The following PRKD1 variants were observed in gnomAD, a reference collection of about 807,000 sequenced individuals.
The protein encoded by PRKD1 is protein kinase D1.
A neutral mutation model predicts 95.9 loss-of-function variants in PRKD1; 63 were observed. That is an observed-to-expected ratio of 0.66 (90% CI 0.54 to 0.81). PRKD1 has a LOEUF of 0.81. Among genes scored for constraint, PRKD1 ranks in the 30% least tolerant of loss-of-function variants. PRKD1 has a pLI of 0.00. For missense variants in PRKD1, 1,048 were observed against 1,165.3 expected (o/e 0.90, Z 1.47); for synonymous variants, 425 against 423.1 (o/e 1.00, Z -0.05).
At chr14:29,597,997 A>G (rs1181583240) in intron 15 of PRKD1, among the ~76,000 whole-genome samples, 1 of 152,118 alleles carries the variant, frequency 6.6e-6, no homozygotes, top group Non-Finnish European at 1.5e-5. Flanking sequence ...CTCCCTTGGC[A>G]GGGTGCAGTG....
intron 16 of PRKD1, among the ~76,000 whole-genome samples, chr14:29,585,701 A>G (rs1447514861): frequency 6.6e-6 from 1 of 152,208 alleles, no homozygotes; most frequent in Non-Finnish European, 1.5e-5. Flanking sequence ...ATAACAGATC[A>G]TAAGATCAGT....
At chr14:29,788,985 C>T (rs1473459829) in intron 1 of PRKD1, among the ~76,000 whole-genome samples, 2 of 152,118 alleles carry the variant, frequency 1.3e-5, no homozygotes, top group African/African-American at 2.4e-5. Context: ...CTCCTGGGCT[C>T]GAGCAATCCT....
At chr14:29,914,785 T>A (rs1314815667) in intron 1 of PRKD1, among the ~76,000 whole-genome samples, 1 of 151,924 alleles carries the variant, frequency 6.6e-6, no homozygotes, top group Non-Finnish European at 1.5e-5. Context: ...TTCTTTTTTT[T>A]TTTTTGAGAC....
At chr14:29,721,648 G>A (rs1473411610) in intron 2 of PRKD1, among the ~76,000 whole-genome samples, 1 of 151,796 alleles carries the variant, frequency 6.6e-6, no homozygotes, top group Non-Finnish European at 1.5e-5. Flanking sequence ...TTACAGTTCA[G>A]TACCATACAC....
intron 1 of PRKD1, among the ~76,000 whole-genome samples, chr14:29,796,198 A>G (rs1322352791): frequency 6.6e-6 from 1 of 152,176 alleles, no homozygotes; most frequent in Non-Finnish European, 1.5e-5. Context: ...ATGCATAAAA[A>G]TTATGTAAAT....
At chr14:29,857,971 A>T (rs773441702) in intron 1 of PRKD1, among the ~76,000 whole-genome samples, 1 of 152,194 alleles carries the variant, frequency 6.6e-6, no homozygotes, top group Non-Finnish European at 1.5e-5. Context: ...AATTTTTAAC[A>T]TGGGTTCAAG....
At chr14:29,804,958 A>G (rs1251762671) in intron 1 of PRKD1, among the ~76,000 whole-genome samples, 1 of 152,224 alleles carries the variant, frequency 6.6e-6, no homozygotes, top group Admixed American at 6.5e-5. Flanking sequence ...GAAATAGTCA[A>G]TATTATGTGT....
rs564325454 is a variant in PRKD1, at chr14:29,711,595, T to C, written c.403+13941A>G. ...AAAACCAAATTTAAATTTTTAAAAATTGAGATCCAATTATGAAATCTTAAA... is the reference window on the plus strand; with the variant it reads ...AAAACCAAATTTAAATTTTTAAAAACTGAGATCCAATTATGAAATCTTAAA... On this transcript the variant is annotated intron_variant, in intron 2 of 17. Transcript: ENST00000331968. Among the ~76,000 whole-genome samples, 10 of 152,252 alleles carry C rather than the reference T, an allele frequency of 6.6e-5. No individual in the cohort carries two copies. The South Asian group carries it at 1.2e-3, about 19-fold the overall frequency.
At chr14:29,616,303 A>G (rs1275705736) in intron 13 of PRKD1, among the ~76,000 whole-genome samples, 1 of 147,594 alleles carries the variant, frequency 6.8e-6, no homozygotes, top group Non-Finnish European at 1.5e-5. Flanking sequence ...AGAAAGGTGT[A>G]GAAACCAATG....
chr14:29,728,523 AAT>A (rs1279058251), intron 1 of PRKD1, among the ~76,000 whole-genome samples: 1 of 152,188 alleles, frequency 6.6e-6, no homozygotes, highest in Non-Finnish European at 1.5e-5. Context: ...GAAATCATAA[AAT>A]ATGTTATATG....
At chr14:29,581,237 T>C (rs1008918622) in intron 16 of PRKD1, among the ~76,000 whole-genome samples, 1 of 152,108 alleles carries the variant, frequency 6.6e-6, no homozygotes, top group African/African-American at 2.4e-5. Context: ...TCGATTTTAA[T>C]AGTCACTAGC....
intron 1 of PRKD1, among the ~76,000 whole-genome samples, chr14:29,782,458 A>G (rs1889088741): frequency 6.6e-6 from 1 of 152,162 alleles, no homozygotes; most frequent in South Asian, 2.1e-4. Context: ...TAAACTTTGA[A>G]CGATTCTTTC....
rs542806686 is a variant in PRKD1 at position 29,649,841 on chromosome 14, A to T, written c.697-10937T>A. 2.0e-5 allele frequency among the ~76,000 whole-genome samples: 3 copies of T among 152,278 alleles called. No individual in the cohort carries two copies. In the East Asian group the frequency reaches 5.8e-4, roughly 29 times the overall value. On this transcript the variant is annotated intron_variant, in intron 4 of 17. Transcript: ENST00000331968. ...GATTTTCCTCCCATTTCCTCCCAGT[A>T]ACGACACAGCACATTCACTTTTCCT...
chr14:29,814,691 A>G lies in PRKD1; in HGVS notation c.265-89017T>C, dbSNP rs78731344. Among the ~76,000 whole-genome samples the G allele has an allele frequency of 7.2e-3, 1,104 of 152,278 alleles. 3 individuals carry two copies. The highest frequency in any genetic ancestry group is 0.011 in the Non-Finnish European group (773 of 68,010). The stretch of plus-strand genomic sequence containing the variant: ...CAGGCTGGCTGCTTGCCCTGTCTCC[A>G]TGATTCCCTGCTGCCTCCATTGCTG... On this transcript the variant is annotated intron_variant, in intron 1 of 17. Transcript: ENST00000331968.
At chr14:29,815,990 T>C (rs936964188) in intron 1 of PRKD1, among the ~76,000 whole-genome samples, 21 of 152,028 alleles carry the variant, frequency 1.4e-4, no homozygotes, top group East Asian at 7.7e-4. Context: ...GAGGCCGAGG[T>C]GGGCGGATCA....
At chr14:29,729,878 T>C (rs567195728) in intron 1 of PRKD1, among the ~76,000 whole-genome samples, 6 of 151,954 alleles carry the variant, frequency 3.9e-5, no homozygotes, top group African/African-American at 1.4e-4. Flanking sequence ...ATACCATATA[T>C]AAAAACAAAC....
chr14:29,686,403 T>C (rs1883872734), intron 2 of PRKD1, among the ~76,000 whole-genome samples: 1 of 152,186 alleles, frequency 6.6e-6, no homozygotes, highest in African/African-American at 2.4e-5. Context: ...CTAGCTACTC[T>C]TGTTAGTCAA....
At chr14:29,881,327 T>G (rs1893504244) in intron 1 of PRKD1, among the ~76,000 whole-genome samples, 1 of 152,186 alleles carries the variant, frequency 6.6e-6, no homozygotes, top group African/African-American at 2.4e-5. Flanking sequence ...CCCTCATTTT[T>G]TCTTGCTGCC....
chr14:29,822,581 T>C (rs1291696224), intron 1 of PRKD1, among the ~76,000 whole-genome samples: 1 of 152,194 alleles, frequency 6.6e-6, no homozygotes, highest in Middle Eastern at 3.2e-3. Context: ...AATCTCATGC[T>C]GAGAAATCCT....
Sources: gnomAD v4.1 joint callset for allele counts (sites outside exome capture counted in the v4.1 genomes callset) on GRCh38, gnomAD v4.1.1 for gene constraint, MANE v1.5 for transcripts, NCBI Gene and HGNC (gene_info 2026-07-23, HGNC 2026-07-21) for gene names.